TNIK: variants seen among roughly 807,000 people sequenced by gnomAD.
The protein encoded by TNIK is TRAF2 and NCK interacting kinase.
TNIK carries 49 observed loss-of-function variants against 191.3 expected under a neutral mutation model. That is an observed-to-expected ratio of 0.26 (90% CI 0.20 to 0.32). The LOEUF is 0.32. Ranked by LOEUF, TNIK falls within the 10% of genes least tolerant of loss-of-function variation. The pLI is 1.00. For synonymous variants in TNIK, 594 were observed against 600.9 expected (o/e 0.99, Z 0.17); for missense variants, 1,155 against 1,702.3 (o/e 0.68, Z 5.66).
At chr3:171,259,033 T>C (rs1577275257) in intron 2 of TNIK, among the ~76,000 whole-genome samples, 1 of 152,148 alleles carries the variant, frequency 6.6e-6, no homozygotes, top group Admixed American at 6.5e-5. Context: ...TGTAATAATC[T>C]ACATTTTGTG....
intron 1 of TNIK, among the ~76,000 whole-genome samples, chr3:171,423,934 A>G (rs531324116): frequency 4.6e-4 from 70 of 152,338 alleles, no homozygotes; most frequent in Middle Eastern, 3.4e-3. Flanking sequence ...CAAGGACTTC[A>G]TGTCTAAAAC....
intron 1 of TNIK, among the ~76,000 whole-genome samples, chr3:171,403,292 C>T (rs545800562): frequency 1.3e-5 from 2 of 152,286 alleles, no homozygotes; most frequent in South Asian, 4.1e-4. Context: ...ACGCTGAAAA[C>T]CAAGCAAACA....
At chr3:171,257,041 T>C (rs1194692070) in intron 2 of TNIK, among the ~76,000 whole-genome samples, 1 of 152,100 alleles carries the variant, frequency 6.6e-6, no homozygotes, top group African/African-American at 2.4e-5. Flanking sequence ...GGTTTTAAAG[T>C]GGAACTGACA....
In TNIK at chr3:171,347,403, A is replaced by ACG. The variant is rs1311647198; in HGVS notation, c.123+22216_123+22217insCG. Among the ~76,000 whole-genome samples, 3 of 148,466 alleles carry ACG rather than the reference A, an allele frequency of 2.0e-5. No homozygotes were observed. In the Admixed American group the frequency reaches 2.1e-4, roughly 10 times the overall value. Reference sequence around the variant, plus strand: ...TGAGAAGTGCCTATCACACACACACACACACACACACACACACAAGTAAAG... The same window carrying ACG: ...TGAGAAGTGCCTATCACACACACACACGCACACACACACACACACAAGTAAAG... On this transcript the variant is annotated intron_variant, in intron 2 of 32. Transcript: ENST00000436636.
chr3:171,365,753 A>G (rs1326268388), intron 2 of TNIK, among the ~76,000 whole-genome samples: 5 of 152,028 alleles, frequency 3.3e-5, no homozygotes, highest in African/African-American at 9.7e-5. Flanking sequence ...AAATATACAC[A>G]CTCACAGCAT....
At chr3:171,304,824 C>T (rs1753250396) in intron 2 of TNIK, among the ~76,000 whole-genome samples, 1 of 151,564 alleles carries the variant, frequency 6.6e-6, no homozygotes, top group Non-Finnish European at 1.5e-5. Context: ...CACATGGACA[C>T]AGGAAGGGGA....
chr3:171,457,749 G>A (rs2108747235), intron 1 of TNIK, among the ~76,000 whole-genome samples: 2 of 152,292 alleles, frequency 1.3e-5, no homozygotes, highest in East Asian at 3.9e-4. Flanking sequence ...GCAGTTCCTG[G>A]TCCCCAAGCT....
chr3:171,426,615 T>G (rs191959214), intron 1 of TNIK, among the ~76,000 whole-genome samples: 42 of 151,972 alleles, frequency 2.8e-4, no homozygotes, highest in African/African-American at 9.7e-4. Context: ...CAGGAATGAG[T>G]TTTATTCAGG....
At chr3:171,395,097 G>A (rs1720053115) in intron 1 of TNIK, among the ~76,000 whole-genome samples, 1 of 152,154 alleles carries the variant, frequency 6.6e-6, no homozygotes, top group South Asian at 2.1e-4. Context: ...ATTCTCAACT[G>A]GGGAAAAGAC....
chr3:171,374,688 T>C (rs567841500), intron 1 of TNIK, among the ~76,000 whole-genome samples: 6 of 152,192 alleles, frequency 3.9e-5, no homozygotes, highest in Non-Finnish European at 8.8e-5. Flanking sequence ...TAACTACATA[T>C]CAAAAGGTAG....
intron 2 of TNIK, among the ~76,000 whole-genome samples, chr3:171,236,085 TCCA>T (rs1277366130): frequency 6.6e-6 from 1 of 152,186 alleles, no homozygotes; most frequent in Non-Finnish European, 1.5e-5. Context: ...AGGCAGGAAC[TCCA>T]CCTTAAACCT....
intron 29 of TNIK, among the ~76,000 whole-genome samples, chr3:171,069,882 T>C (rs1189113570): frequency 1.3e-5 from 2 of 152,260 alleles, no homozygotes; most frequent in African/African-American, 2.4e-5. Flanking sequence ...TGGGAAGCTC[T>C]AGCGTCCTGT....
chr3:171,075,156 G>A (rs1479468150), intron 28 of TNIK, among the ~76,000 whole-genome samples: 1 of 152,184 alleles, frequency 6.6e-6, no homozygotes, highest in Non-Finnish European at 1.5e-5. Flanking sequence ...TTATTGCTCT[G>A]TAATCATACA....
chr3:171,130,533 G>A (rs556033524), intron 15 of TNIK, among the ~76,000 whole-genome samples: 1 of 152,176 alleles, frequency 6.6e-6, no homozygotes, highest in Non-Finnish European at 1.5e-5. Context: ...TTTGGCTATT[G>A]CATTGAGCAA....
At chr3:171,246,201 C>T (rs1463678582) in intron 2 of TNIK, among the ~76,000 whole-genome samples, 1 of 151,942 alleles carries the variant, frequency 6.6e-6, no homozygotes, top group Non-Finnish European at 1.5e-5. Flanking sequence ...AAAGATACAC[C>T]TTTGAGACAA....
At chr3:171,414,468 C>G (rs1208095067) in intron 1 of TNIK, among the ~76,000 whole-genome samples, 1 of 152,200 alleles carries the variant, frequency 6.6e-6, no homozygotes, top group Non-Finnish European at 1.5e-5. Flanking sequence ...ATAATAATAC[C>G]TTAGACCTGC....
intron 2 of TNIK, among the ~76,000 whole-genome samples, chr3:171,293,643 A>G (rs1303248410): frequency 6.6e-6 from 1 of 152,232 alleles, no homozygotes; most frequent in African/African-American, 2.4e-5. Context: ...AATAGCATCT[A>G]GCTAGAAATG....
chr3:171,081,204 G>A, intron 27 of TNIK, among the ~76,000 whole-genome samples: 1 of 152,098 alleles, frequency 6.6e-6, no homozygotes, highest in South Asian at 2.1e-4. Context: ...AATTTACCTG[G>A]TTAACCTTAT....
chr3:171,275,620 T>C (rs1371568803), intron 2 of TNIK, among the ~76,000 whole-genome samples: 3 of 152,100 alleles, frequency 2.0e-5, no homozygotes, highest in Non-Finnish European at 4.4e-5. Context: ...TGTGTTTCCA[T>C]ATAAAAAGAG....
Sources: allele counts gnomAD v4.1 joint callset (sites outside exome capture counted in the v4.1 genomes callset), GRCh38; gene constraint gnomAD v4.1.1; transcripts MANE v1.5; gene names NCBI Gene and HGNC (gene_info 2026-07-23, HGNC 2026-07-21).